Variants in APOM observed in about 807,000 individuals in gnomAD.
The protein encoded by APOM is NG20-like protein.
APOM carries 24 observed loss-of-function variants against 23.5 expected under a neutral mutation model. The observed-to-expected ratio is 1.02, with a 90% CI of 0.74 to 1.44. The LOEUF is 1.44. APOM is among the 40% of genes most tolerant of loss of function. The probability of loss-of-function intolerance (pLI) is 0.00; values close to 1 mark genes in which losing one functional copy is unlikely to be tolerated. For synonymous variants in APOM, 82 were observed against 84.1 expected (o/e 0.97, Z 0.14); for missense variants, 200 against 233.2 (o/e 0.86, Z 0.93).
At chr6:31,653,601 G>A (rs185511988), upstream of APOM, among the ~76,000 whole-genome samples, 10 of 152,324 alleles carry the variant, frequency 6.6e-5, 1 homozygote, top group Admixed American at 6.5e-4. Context: ...ACGAACATAA[G>A]TGTCAGAATT....
upstream of APOM, among the ~76,000 whole-genome samples, chr6:31,653,461 T>G (rs958106917): frequency 6.6e-6 from 1 of 152,242 alleles, no homozygotes; most frequent in Non-Finnish European, 1.5e-5. Context: ...CCTGGTTATA[T>G]TTTAGTTAAG....
At chr6:31,653,476 C>T (rs1799260688), upstream of APOM, among the ~76,000 whole-genome samples, 2 of 152,192 alleles carry the variant, frequency 1.3e-5, no homozygotes, top group Non-Finnish European at 1.5e-5. Context: ...GTTAAGAGTT[C>T]TAATAAGCAG....
In APOM at chr6:31,655,978, A is replaced by C; in HGVS notation, c.12A>C (p.Gln4His). The C allele has an allele frequency of 6.3e-7, 1 of 1,597,908 alleles. No homozygotes were observed. Among genetic ancestry groups the C allele is most frequent in the Non-Finnish European group, 8.5e-7 (1 of 1,172,138 alleles). ...CCTCCTGCCTGAAGATGTTCCACCA[A>C]ATTTGGGCAGCTCTGCTCTACTTCT... MFH[Q>H]IWAALLYFYG... The change falls in exon 1 of 6, where the codon CAA (glutamine) becomes CAC (histidine). Residue 4 changes from glutamine to histidine, a missense_variant. By Grantham distance (24) the Gln-to-His change is conservative. Transcript: ENST00000375916.
In APOM at chr6:31,657,699, T is replaced by G. The variant is rs1301807944; in HGVS notation, c.517T>G (p.Phe173Val). Residue 173 changes from phenylalanine (F) to valine (V), a missense_variant, in exon 5 of 6, where the codon TTC (phenylalanine) becomes GTC (valine). Phe to Val is a conservative substitution (Grantham distance 50, BLOSUM62 -1). Transcript: ENST00000375916. Reference sequence around the variant, plus strand: ...GACTTCCTGCCTGGACTCCAAAGCCTTCTTATTGACTCCTAGGAATCAAGG... The same window carrying G: ...GACTTCCTGCCTGGACTCCAAAGCCGTCTTATTGACTCCTAGGAATCAAGG... ...SLTSCLDSKA[F>V]LLTPRNQEAC... 1.1e-5 allele frequency: 18 copies of G among 1,612,878 alleles called. 1 individual carries two copies. Among genetic ancestry groups the G allele is most frequent in the Middle Eastern group, 1.6e-4 (1 of 6,084 alleles).
chr6:31,653,245 G>A (rs1194847540), upstream of APOM, among the ~76,000 whole-genome samples: 1 of 152,216 alleles, frequency 6.6e-6, no homozygotes, highest in East Asian at 1.9e-4. Flanking sequence ...TGGACAGAAA[G>A]ACAAGACCCT....
upstream of APOM, chr6:31,655,782 G>C (rs530961355): frequency 1.2e-5 from 7 of 578,728 alleles, no homozygotes; most frequent in East Asian, 1.4e-4. Context: ...ATCCGGAAGA[G>C]GGGGAGGAAG....
chr6:31,657,219 C>G lies in APOM; in HGVS notation c.270-6C>G. On this transcript the variant is annotated splice_polypyrimidine_tract_variant and splice_region_variant and intron_variant, in intron 2 of 5. Transcript: ENST00000375916. ...TCTTTCCTCCTTGCCACCACCACCTCTGCAGGAAAGATGGGCTCTGTGTGC... is the reference window on the plus strand; with the variant it reads ...TCTTTCCTCCTTGCCACCACCACCTGTGCAGGAAAGATGGGCTCTGTGTGC... The G allele has an allele frequency of 6.2e-7, 1 of 1,612,884 alleles. No homozygotes were observed. The highest frequency in any genetic ancestry group is 8.5e-7 in the Non-Finnish European group (1 of 1,179,924).
In APOM at chr6:31,656,459, A is replaced by G. The variant is rs1264645658; in HGVS notation, c.115-13A>G. On this transcript the variant is annotated splice_polypyrimidine_tract_variant and intron_variant, in intron 1 of 5. Transcript: ENST00000375916. ...GAACCCACCCTCTTTTGCTCCCTTC[A>G]TTGTCTCTCCAGTTCCCAGAGGTCC... 1.2e-6 allele frequency: 2 copies of G among 1,612,504 alleles called. No homozygotes were observed. The highest frequency in any genetic ancestry group is 1.7e-6 in the Non-Finnish European group (2 of 1,179,454).
chr6:31,657,425 G>T lies in APOM; in HGVS notation c.389G>T (p.Gly130Val). Residue 130 changes from glycine to valine, a missense_variant, in exon 4 of 6, where the codon GGT becomes GTT. Gly to Val is a moderately radical substitution (Grantham distance 109, BLOSUM62 -3). Coordinates refer to ENST00000375916, the MANE Select transcript of APOM (RefSeq NM_019101.3). ...KTELFSSSCP[G>V]GIMLNETGQG... The stretch of plus-strand genomic sequence containing the variant: ...GAGCTCTTTTCCAGCTCATGCCCAG[G>T]TGGAATCATGCTGAATGAGACAGGC... 1 of 1,612,998 alleles carries T rather than the reference G, an allele frequency of 6.2e-7. No individual in the cohort carries two copies. Among genetic ancestry groups the T allele is most frequent in the Non-Finnish European group, 8.5e-7 (1 of 1,180,036 alleles).
chr6:31,657,173 T>C (rs1250362437), intron 2 of APOM, 52 bp from the exon 3 acceptor site: 14 of 1,515,700 alleles, frequency 9.2e-6, no homozygotes, highest in Non-Finnish European at 1.3e-5. Flanking sequence ...GCTGGGACAC[T>C]ATGGTTGGGG....
chr6:31,654,072 C>G (rs1386746297), upstream of APOM, among the ~76,000 whole-genome samples: 1 of 151,804 alleles, frequency 6.6e-6, no homozygotes, highest in Non-Finnish European at 1.5e-5. Flanking sequence ...TGGTGAAACC[C>G]CATCTCTACT....
intron 5 of APOM, 132 bp from the exon 6 acceptor site, chr6:31,657,932 G>C: frequency 1.9e-6 from 2 of 1,073,360 alleles, no homozygotes; most frequent in South Asian, 2.7e-5. Flanking sequence ...TACGTGGAGG[G>C]AAAAGAGCCT....
At position 31,657,411 on chromosome 6, in the gene APOM, C is replaced by T. The variant is rs144313549; in HGVS notation, c.375C>T (p.Ser125=). The change falls in exon 4 of 6, where the codon TCC becomes TCT. Residue 125 remains serine (S), a synonymous_variant. Coordinates refer to ENST00000375916, the MANE Select transcript of APOM (RefSeq NM_019101.3). ...CTGACATGAAGACTGAGCTCTTTTCCAGCTCATGCCCAGGTGGAATCATGC... is the reference window on the plus strand; with the variant it reads ...CTGACATGAAGACTGAGCTCTTTTCTAGCTCATGCCCAGGTGGAATCATGC... ...GRPDMKTELF[S]SSCPGGIMLN... is the part of the protein sequence containing the mutation. 1.6e-3 allele frequency: 2,603 copies of T among 1,613,044 alleles called. 20 individuals are homozygous for T. The highest frequency in any genetic ancestry group is 1.0e-3 in the Non-Finnish European group (1,196 of 1,180,040).
chr6:31,653,606 A>G (rs1799322702), upstream of APOM, among the ~76,000 whole-genome samples: 1 of 152,212 alleles, frequency 6.6e-6, no homozygotes, highest in African/African-American at 2.4e-5. Context: ...CATAAGTGTC[A>G]GAATTGACAA....
upstream of APOM, among the ~76,000 whole-genome samples, chr6:31,654,578 A>G (rs565387056): frequency 2.6e-5 from 4 of 152,316 alleles, no homozygotes; most frequent in African/African-American, 7.2e-5. Flanking sequence ...CTCGGGAATC[A>G]TCTGAGCCGG....
chr6:31,657,969 TGAAA>T, intron 5 of APOM, 91 bp from the exon 6 acceptor site: 1 of 1,314,232 alleles, frequency 7.6e-7, no homozygotes, highest in Non-Finnish European at 1.1e-6. Context: ...ACACAGGGAA[TGAAA>T]GAACACGTTC....
At chr6:31,654,001 A>G (rs1799561312), upstream of APOM, among the ~76,000 whole-genome samples, 1 of 152,084 alleles carries the variant, frequency 6.6e-6, no homozygotes, top group Non-Finnish European at 1.5e-5. Flanking sequence ...AGTGACTCAC[A>G]CTTGGGAGGA....
rs558987938 is a variant in APOM, at chr6:31,657,170, C to A, written c.270-55C>A. 8.2e-5 allele frequency: 123 copies of A among 1,501,748 alleles called. 1 individual carries two copies. The African/African-American group carries it at 1.4e-3, about 17-fold the overall frequency. 93.0% of individuals were successfully genotyped at this position (1,501,748 alleles called of 1,614,324 possible). On this transcript the variant is annotated intron_variant, in intron 2 of 5. Coordinates refer to ENST00000375916, the MANE Select transcript of APOM (RefSeq NM_019101.3). ...CAAAAAAAAAAAAAAGAAGCTGGGACACTATGGTTGGGGTGATGCTCATTC... is the reference window on the plus strand; with the variant it reads ...CAAAAAAAAAAAAAAGAAGCTGGGAAACTATGGTTGGGGTGATGCTCATTC...
At chr6:31,656,162 T>C (rs1800026553) in intron 1 of APOM, 82 bp downstream of exon 1, 2 of 1,152,362 alleles carry the variant, frequency 1.7e-6, no homozygotes, top group Non-Finnish European at 2.5e-6. Context: ...GGAGACCATC[T>C]TGGGAAAGGA....
Sources: allele counts gnomAD v4.1 joint callset (sites outside exome capture counted in the v4.1 genomes callset), GRCh38; gene constraint gnomAD v4.1.1; transcripts MANE v1.5; gene names NCBI Gene and HGNC (gene_info 2026-07-23, HGNC 2026-07-21).